OVCH1: variants seen among roughly 807,000 people sequenced by gnomAD.
OVCH1 encodes ovochymase 1.
OVCH1 carries 139 observed loss-of-function variants against 138.4 expected under a neutral mutation model. That is an observed-to-expected ratio of 1.00 (90% CI 0.87 to 1.16). The LOEUF (loss-of-function observed/expected upper bound fraction) is 1.16. OVCH1 is among the 50% of genes most tolerant of loss of function. The pLI, the probability that OVCH1 is intolerant of heterozygous loss-of-function variation, is 0.00. For missense variants in OVCH1, 1,367 were observed against 1,357.9 expected (o/e 1.01, Z -0.11); for synonymous variants, 453 against 467.8 (o/e 0.97, Z 0.41).
intron 16 of OVCH1, among the ~76,000 whole-genome samples, chr12:29,470,392 A>T (rs7311051): frequency 6.6e-6 from 1 of 151,318 alleles, no homozygotes; most frequent in Non-Finnish European, 1.5e-5. Flanking sequence ...TTGTCTCCCA[A>T]CCCCTGTGTT....
chr12:29,440,810 A>G (rs934676415), intron 25 of OVCH1, 66 bp from the exon 26 acceptor site: 18 of 449,658 alleles, frequency 4.0e-5, no homozygotes, highest in African/African-American at 3.6e-4. Context: ...TCTGAAGAAT[A>G]AAAAAGACAG....
At chr12:29,408,791 A>T (rs199649477), downstream of OVCH1, among the ~76,000 whole-genome samples, 417 of 148,638 alleles carry the variant, frequency 2.8e-3, 5 homozygotes, top group East Asian at 7.1e-3. Flanking sequence ...TGTCTCTGCC[A>T]GGCTTTGGTA....
chr12:29,457,187 A>G (rs2135958406), intron 19 of OVCH1, among the ~76,000 whole-genome samples: 1 of 152,260 alleles, frequency 6.6e-6, no homozygotes, highest in African/African-American at 2.4e-5. Context: ...AGTTGTTTCC[A>G]GTTGGACAAT....
intron 1 of OVCH1, 75 bp downstream of exon 1, chr12:29,497,548 A>G: frequency 1.9e-6 from 3 of 1,556,312 alleles, no homozygotes; most frequent in Non-Finnish European, 2.6e-6. Context: ...TCCTGAGGCA[A>G]GGAGTAATGA....
At chr12:29,432,294 G>A (rs1158785311) in intron 27 of OVCH1, among the ~76,000 whole-genome samples, 2 of 152,168 alleles carry the variant, frequency 1.3e-5, no homozygotes, top group Non-Finnish European at 2.9e-5. Context: ...CATAAAACTG[G>A]CTAAAGGAAG....
chr12:29,417,789 GTGTGTC>G (rs1555140774), intron 3 of OVCH1, among the ~76,000 whole-genome samples: 1 of 150,154 alleles, frequency 6.7e-6, no homozygotes, highest in East Asian at 2.0e-4. Context: ...GTGTGTGTGT[GTGTGTC>G]TGTGTCTGTG....
the OVCH1 span, among the ~76,000 whole-genome samples, chr12:29,403,688 G>A: frequency 6.6e-6 from 1 of 152,146 alleles, no homozygotes. Flanking sequence ...AAGGTCAATT[G>A]ACGTGCCTGA....
chr12:29,486,263 G>C, exon 8 of OVCH1: 1 of 1,612,900 alleles, frequency 6.2e-7, no homozygotes, highest in Non-Finnish European at 8.5e-7. Flanking sequence ...TTCCTCTCTG[G>C]CTTCCATTCA....
chr12:29,487,042 C>G (rs905177724), intron 7 of OVCH1: 4 of 396,034 alleles, frequency 1.0e-5, no homozygotes, highest in African/African-American at 6.3e-5. Flanking sequence ...TCTAAAAGCC[C>G]TGTCAGGTGG....
At chr12:29,403,093 T>A in the OVCH1 span, among the ~76,000 whole-genome samples, 1 of 152,200 alleles carries the variant, frequency 6.6e-6, no homozygotes, top group Non-Finnish European at 1.5e-5. Flanking sequence ...GTATATAAGC[T>A]TTTTGACTTT....
chr12:29,426,868 A>T (rs1035420883), downstream of OVCH1, among the ~76,000 whole-genome samples: 5 of 152,236 alleles, frequency 3.3e-5, no homozygotes, highest in Non-Finnish European at 5.9e-5. Context: ...CACTCGCTAC[A>T]TGTAGCTACT....
At chr12:29,412,016 A>T (rs568467282), downstream of OVCH1, among the ~76,000 whole-genome samples, 1 of 150,234 alleles carries the variant, frequency 6.7e-6, no homozygotes, top group African/African-American at 2.4e-5. Flanking sequence ...AATGGCGGGC[A>T]CCCCTCCCCC....
chr12:29,466,830 C>G (rs1942337036), intron 16 of OVCH1, among the ~76,000 whole-genome samples: 1 of 152,158 alleles, frequency 6.6e-6, no homozygotes, highest in Non-Finnish European at 1.5e-5. Context: ...AACCAATACA[C>G]TGTCACTTCT....
chr12:29,483,886 C>T (rs1239587690), intron 8 of OVCH1, among the ~76,000 whole-genome samples: 1 of 152,218 alleles, frequency 6.6e-6, no homozygotes, highest in African/African-American at 2.4e-5. Context: ...CTTCTAACCA[C>T]TCCACACATA....
At chr12:29,449,638 T>C (rs1407126064) in intron 22 of OVCH1, among the ~76,000 whole-genome samples, 1 of 152,110 alleles carries the variant, frequency 6.6e-6, no homozygotes, top group African/African-American at 2.4e-5. Flanking sequence ...TGAATGGGAG[T>C]TCACTCATGA....
intron 21 of OVCH1, among the ~76,000 whole-genome samples, chr12:29,453,089 G>A (rs1267349284): frequency 6.6e-6 from 1 of 152,102 alleles, no homozygotes; most frequent in Non-Finnish European, 1.5e-5. Flanking sequence ...GACCCTTCCT[G>A]TTATAAATGC....
At chr12:29,467,925 T>G (rs573448499) in intron 16 of OVCH1, among the ~76,000 whole-genome samples, 1 of 152,050 alleles carries the variant, frequency 6.6e-6, no homozygotes, top group Non-Finnish European at 1.5e-5. Context: ...GGACATAGGG[T>G]TTTTGTTACA....
chr12:29,445,363 C>G, exon 23 of OVCH1: 1 of 1,611,040 alleles, frequency 6.2e-7, no homozygotes, highest in Non-Finnish European at 8.5e-7. Context: ...GTCCAGGACT[C>G]ATGAAAGTCA....
exon 14 of OVCH1, chr12:29,475,177 C>T (rs1565598797): frequency 1.4e-6 from 2 of 1,480,712 alleles, no homozygotes; most frequent in East Asian, 2.5e-5. Context: ...GGTCAACATT[C>T]CACAAAGTTT....
Sources: gnomAD v4.1 joint callset for allele counts (sites outside exome capture counted in the v4.1 genomes callset) on GRCh38, gnomAD v4.1.1 for gene constraint, MANE v1.5 for transcripts, NCBI Gene and HGNC (gene_info 2026-07-23, HGNC 2026-07-21) for gene names.